Variants in ST8SIA4 observed in about 807,000 individuals in gnomAD.
The protein encoded by ST8SIA4 is ST8 alpha-N-acetyl-neuraminide alpha-2,8-sialyltransferase 4.
Under a neutral mutation model 33.9 loss-of-function variants are expected in ST8SIA4, and 15 were observed. The observed-to-expected ratio is 0.44, with a 90% confidence interval of 0.30 to 0.68. The LOEUF is 0.68. ST8SIA4 is among the 30% of genes least tolerant of loss of function. The pLI is 0.10. For missense variants in ST8SIA4, 321 were observed against 428.0 expected (o/e 0.75, Z 2.21); for synonymous variants, 171 against 151.2 (o/e 1.13, Z -0.96).
intron 1 of ST8SIA4, among the ~76,000 whole-genome samples, chr5:100,898,683 C>A (rs1561411186): frequency 6.6e-6 from 1 of 152,128 alleles, no homozygotes; most frequent in Non-Finnish European, 1.5e-5. Context: ...ATGTTTCACT[C>A]ATGACCTTGG....
At chr5:100,830,636 T>A (rs1751238214) in intron 4 of ST8SIA4, among the ~76,000 whole-genome samples, 1 of 152,206 alleles carries the variant, frequency 6.6e-6, no homozygotes, top group African/African-American at 2.4e-5. Flanking sequence ...TGGATGGTAA[T>A]ATATTGTAAT....
intron 4 of ST8SIA4, among the ~76,000 whole-genome samples, chr5:100,825,976 A>G (rs1173587148): frequency 2.0e-5 from 3 of 152,204 alleles, no homozygotes; most frequent in African/African-American, 7.2e-5. Context: ...CAGAGCAAAC[A>G]CATCCTTGTC....
intron 4 of ST8SIA4, among the ~76,000 whole-genome samples, chr5:100,831,673 T>C (rs1181404542): frequency 1.3e-5 from 2 of 152,214 alleles, no homozygotes; most frequent in African/African-American, 2.4e-5. Context: ...AAATTCATTT[T>C]TCTTTCATTC....
chr5:100,816,615 G>GT (rs778958189), intron 4 of ST8SIA4: 2 of 504,726 alleles, frequency 4.0e-6, no homozygotes, highest in Admixed American at 4.8e-5. Flanking sequence ...AAAATCAAAT[G>GT]TGACAATTTC....
intron 4 of ST8SIA4, among the ~76,000 whole-genome samples, chr5:100,830,664 C>A (rs917354727): frequency 2.0e-5 from 3 of 152,122 alleles, no homozygotes; most frequent in Non-Finnish European, 4.4e-5. Flanking sequence ...TGAGTTCAGG[C>A]AAGCAGTCAA....
In ST8SIA4 at chr5:100,810,396, T is replaced by C. The variant is rs1750790877; in HGVS notation, c.*1451A>G. 1 of 152,166 alleles carries C rather than the reference T, an allele frequency of 6.6e-6. No homozygotes were observed. The highest frequency in any genetic ancestry group is 1.5e-5 in the Non-Finnish European group (1 of 68,012). 9.4% of individuals were successfully genotyped at this position (152,166 alleles called of 1,614,324 possible). ...AATACTCTATTAATAATGTTATTTC[T>C]GCACTAAGAAATTTAACAGTAATAT... On this transcript the variant is annotated 3_prime_UTR_variant, in exon 5 of 5. Coordinates refer to ENST00000231461, the MANE Select transcript of ST8SIA4 (RefSeq NM_005668.6).
At chr5:100,817,200 C>A (rs1437103185) in intron 4 of ST8SIA4, among the ~76,000 whole-genome samples, 9 of 133,222 alleles carry the variant, frequency 6.8e-5, no homozygotes, top group Admixed American at 2.7e-4. Context: ...AACTCCTGAT[C>A]TCGTGATCCA....
At position 100,831,522 on chromosome 5, in the gene ST8SIA4, G is replaced by T. The variant is rs542505820; in HGVS notation, c.798-19393C>A. ...CACAATTCTTTTCATCTTAAAAAAA[G>T]ACTTATAAAACCTACTTATGATGAT... is the stretch of plus-strand genomic sequence containing the variant. On this transcript the variant is annotated intron_variant, in intron 4 of 4. Coordinates refer to ENST00000231461, the MANE Select transcript of ST8SIA4 (RefSeq NM_005668.6). Among the ~76,000 whole-genome samples, 4 of 151,890 alleles carry T rather than the reference G, an allele frequency of 2.6e-5. No individual in the cohort carries two copies. In the South Asian group the frequency reaches 8.3e-4, roughly 32 times the overall value.
Position 100,811,832 on chromosome 5 carries a change from G to T in ST8SIA4, c.*15C>A. The T allele has an allele frequency of 1.3e-6, 2 of 1,588,440 alleles. No homozygotes were observed. The highest frequency in any genetic ancestry group is 1.7e-6 in the Non-Finnish European group (2 of 1,167,430). On this transcript the variant is annotated 3_prime_UTR_variant, in exon 5 of 5. Coordinates refer to ENST00000231461, the MANE Select transcript of ST8SIA4 (RefSeq NM_005668.6). Reference sequence around the variant, plus strand: ...TTCAGAAAAGAAGTGCATATTGTTTGTTTCAAAATGTGCTTTATTGCTTTA... The same window carrying T: ...TTCAGAAAAGAAGTGCATATTGTTTTTTTCAAAATGTGCTTTATTGCTTTA...
rs569372801 is a variant in ST8SIA4 at position 100,862,519 on chromosome 5, C to T, written c.504-6123G>A. On this transcript the variant is annotated intron_variant, in intron 3 of 4. Coordinates refer to ENST00000231461, the MANE Select transcript of ST8SIA4 (RefSeq NM_005668.6). Reference sequence around the variant, plus strand: ...GTTCAACTGATTCTCCTGCCTCAGCCTCCTAAGTAGCTGGGATTACAGGCG... The same window carrying T: ...GTTCAACTGATTCTCCTGCCTCAGCTTCCTAAGTAGCTGGGATTACAGGCG... Among the ~76,000 whole-genome samples, 15 of 152,198 alleles carry T rather than the reference C, an allele frequency of 9.9e-5. No homozygotes were observed. In the East Asian group the frequency reaches 2.9e-3, roughly 29 times the overall value.
intron 4 of ST8SIA4, among the ~76,000 whole-genome samples, chr5:100,819,254 G>A (rs1443136588): frequency 6.6e-6 from 1 of 152,152 alleles, no homozygotes; most frequent in African/African-American, 2.4e-5. Flanking sequence ...GCAGACACTG[G>A]GTGTCGGGAG....
At chr5:100,882,263 CT>C (rs1239524901) in intron 3 of ST8SIA4, among the ~76,000 whole-genome samples, 1 of 152,154 alleles carries the variant, frequency 6.6e-6, no homozygotes, top group Non-Finnish European at 1.5e-5. Flanking sequence ...AAAGGTGACT[CT>C]TTTTATGTTT....
At chr5:100,843,542 G>A (rs755956589) in intron 4 of ST8SIA4, among the ~76,000 whole-genome samples, 6 of 151,868 alleles carry the variant, frequency 4.0e-5, no homozygotes, top group Admixed American at 2.6e-4. Context: ...AACTTAACCA[G>A]AGGATATAGC....
chr5:100,850,087 C>T (rs1355811068), intron 4 of ST8SIA4, among the ~76,000 whole-genome samples: 1 of 152,094 alleles, frequency 6.6e-6, no homozygotes, highest in South Asian at 2.1e-4. Flanking sequence ...TTTGCCATTA[C>T]TTTCAATGGC....
intron 2 of ST8SIA4, among the ~76,000 whole-genome samples, chr5:100,887,764 TC>T (rs1455217128): frequency 2.0e-5 from 3 of 152,048 alleles, no homozygotes; most frequent in African/African-American, 7.2e-5. Context: ...TTAAAATGTG[TC>T]TGTATGTTCG....
intron 4 of ST8SIA4, among the ~76,000 whole-genome samples, chr5:100,818,248 A>G (rs541267543): frequency 6.6e-6 from 1 of 152,330 alleles, no homozygotes; most frequent in African/African-American, 2.4e-5. Flanking sequence ...AGTCCTTAGG[A>G]TCATTTCCAA....
At position 100,833,551 on chromosome 5, in the gene ST8SIA4, C is replaced by G. The variant is rs573691304; in HGVS notation, c.798-21422G>C. On this transcript the variant is annotated intron_variant, in intron 4 of 4. Coordinates refer to ENST00000231461, the MANE Select transcript of ST8SIA4 (RefSeq NM_005668.6). ...ATGTTAACTTGGGAAAGTTACTTAA[C>G]TAATTCATTCCTCAGTTTTCTCAAG... Among the ~76,000 whole-genome samples the G allele has an allele frequency of 2.0e-5, 3 of 152,192 alleles. No homozygotes were observed. The South Asian group carries it at 6.2e-4, about 32-fold the overall frequency.
chr5:100,862,081 A>G, intron 3 of ST8SIA4, among the ~76,000 whole-genome samples: 1 of 152,256 alleles, frequency 6.6e-6, no homozygotes, highest in Non-Finnish European at 1.5e-5. Context: ...AACTTTATTT[A>G]TAACACATTT....
intron 3 of ST8SIA4, among the ~76,000 whole-genome samples, chr5:100,872,974 A>G (rs1257184313): frequency 6.6e-6 from 1 of 152,040 alleles, no homozygotes; most frequent in Non-Finnish European, 1.5e-5. Flanking sequence ...GCACATAAGA[A>G]TCACCTGGAC....
Sources: allele counts gnomAD v4.1 joint callset (sites outside exome capture counted in the v4.1 genomes callset), GRCh38; gene constraint gnomAD v4.1.1; transcripts MANE v1.5; gene names NCBI Gene and HGNC (gene_info 2026-07-23, HGNC 2026-07-21).